PRKN: variants seen among roughly 807,000 people sequenced by gnomAD.
PRKN encodes the protein E3 ubiquitin-protein ligase parkin.
Under a neutral mutation model 59.5 loss-of-function variants are expected in PRKN, and 56 were observed. The observed-to-expected ratio is 0.94, with a 90% CI of 0.76 to 1.18. The LOEUF (loss-of-function observed/expected upper bound fraction) is 1.18, where lower values mean the gene tolerates loss of function less well. Ranked by LOEUF, PRKN falls within the 50% of genes most tolerant of loss-of-function variation. The pLI is 0.00. For missense variants in PRKN, 657 were observed against 596.4 expected (o/e 1.10, Z -1.06); for synonymous variants, 250 against 222.1 (o/e 1.13, Z -1.12).
At chr6:161,374,230 A>C (rs1785556555) in intron 10 of PRKN, among the ~76,000 whole-genome samples, 1 of 146,234 alleles carries the variant, frequency 6.8e-6, no homozygotes, top group Admixed American at 6.8e-5. Flanking sequence ...TTCTGTGTGT[A>C]TGTGTGTTGT....
At chr6:162,447,720 C>G (rs1250349873) in intron 1 of PRKN, among the ~76,000 whole-genome samples, 1 of 152,056 alleles carries the variant, frequency 6.6e-6, no homozygotes, top group Non-Finnish European at 1.5e-5. Context: ...TAGTCAATAT[C>G]AATAATTAAT....
chr6:161,452,645 A>C (rs1323644232), intron 9 of PRKN, among the ~76,000 whole-genome samples: 1 of 152,160 alleles, frequency 6.6e-6, no homozygotes, highest in Non-Finnish European at 1.5e-5. Context: ...ATCCCACACA[A>C]CTATTTTAGG....
intron 2 of PRKN, among the ~76,000 whole-genome samples, chr6:162,381,273 C>A (rs901304535): frequency 6.6e-6 from 1 of 152,108 alleles, no homozygotes; most frequent in East Asian, 1.9e-4. Context: ...TAGAAATTAC[C>A]CTGTTTTTCA....
chr6:161,876,439 G>C (rs1409662046), intron 6 of PRKN, among the ~76,000 whole-genome samples: 1 of 152,098 alleles, frequency 6.6e-6, no homozygotes, highest in Non-Finnish European at 1.5e-5. Context: ...AGCCACCCAA[G>C]TAGTTGTGAC....
At chr6:161,505,155 T>C (rs1452510842) in intron 9 of PRKN, among the ~76,000 whole-genome samples, 5 of 152,150 alleles carry the variant, frequency 3.3e-5, no homozygotes, top group African/African-American at 2.4e-5. Context: ...TGTAAAAGTG[T>C]TCCTATTTCT....
intron 7 of PRKN, among the ~76,000 whole-genome samples, chr6:161,720,516 TG>T (rs375903522): frequency 3.9e-3 from 547 of 141,438 alleles, no homozygotes; most frequent in African/African-American, 0.013. Flanking sequence ...TGGGCACAGG[TG>T]GGGGGGGGCA....
intron 9 of PRKN, among the ~76,000 whole-genome samples, chr6:161,528,242 C>A (rs1488284147): frequency 6.6e-6 from 1 of 152,116 alleles, no homozygotes; most frequent in African/African-American, 2.4e-5. Context: ...GTAATGAATA[C>A]TGGTAAACCT....
At chr6:161,492,525 A>G (rs888544749) in intron 9 of PRKN, among the ~76,000 whole-genome samples, 3 of 152,240 alleles carry the variant, frequency 2.0e-5, no homozygotes, top group Admixed American at 1.3e-4. Context: ...CAGAACTGCT[A>G]AATTCCATCT....
chr6:162,033,429 C>T (rs142454015), intron 5 of PRKN, among the ~76,000 whole-genome samples: 1 of 152,262 alleles, frequency 6.6e-6, no homozygotes, highest in African/African-American at 2.4e-5. Context: ...ATAATTTATG[C>T]TCTGTAATTC....
intron 1 of PRKN, among the ~76,000 whole-genome samples, chr6:162,639,774 C>T (rs1777889469): frequency 6.6e-6 from 1 of 152,058 alleles, no homozygotes; most frequent in Non-Finnish European, 1.5e-5. Flanking sequence ...AAAGTCTAGC[C>T]TCATTAGGTT....
At chr6:162,568,521 C>A (rs1780180210) in intron 1 of PRKN, 1 of 720,806 alleles carries the variant, frequency 1.4e-6, no homozygotes. Context: ...CCAGAGACTG[C>A]TGAGCCTCCT....
chr6:161,682,527 G>T (rs1785403884), intron 7 of PRKN, among the ~76,000 whole-genome samples: 1 of 152,082 alleles, frequency 6.6e-6, no homozygotes, highest in African/African-American at 2.4e-5. Flanking sequence ...TCGGAGCTGG[G>T]GAAAGGCCTC....
At chr6:161,709,908 G>T (rs190188652) in intron 7 of PRKN, among the ~76,000 whole-genome samples, 2 of 152,136 alleles carry the variant, frequency 1.3e-5, no homozygotes, top group Admixed American at 1.3e-4. Context: ...AAATATTTTT[G>T]TAGAAACGCA....
intron 9 of PRKN, among the ~76,000 whole-genome samples, chr6:161,469,318 A>G (rs1790651515): frequency 2.0e-5 from 3 of 152,292 alleles, no homozygotes; most frequent in South Asian, 4.1e-4. Flanking sequence ...CCCTGTGAAG[A>G]GGTGCCTTCC....
chr6:161,873,048 C>G (rs542817916), intron 6 of PRKN, among the ~76,000 whole-genome samples: 65 of 149,404 alleles, frequency 4.4e-4, no homozygotes, highest in African/African-American at 1.3e-3. Flanking sequence ...AGGGAGGGAG[C>G]TGGGAGCTTG....
intron 1 of PRKN, among the ~76,000 whole-genome samples, chr6:162,667,915 C>G (rs1405185379): frequency 6.6e-6 from 1 of 152,066 alleles, no homozygotes; most frequent in Non-Finnish European, 1.5e-5. Context: ...GAACCTGGCA[C>G]ATAGTAAATA....
intron 9 of PRKN, among the ~76,000 whole-genome samples, chr6:161,389,261 T>G (rs551188416): frequency 7.2e-5 from 11 of 152,344 alleles, no homozygotes; most frequent in African/African-American, 2.6e-4. Context: ...TCCAATTTCT[T>G]GTTTTAAAAG....
intron 4 of PRKN, among the ~76,000 whole-genome samples, chr6:162,116,514 G>T (rs997242556): frequency 2.0e-5 from 3 of 152,182 alleles, no homozygotes; most frequent in Admixed American, 2.0e-4. Flanking sequence ...TTTTCAATCA[G>T]CTAGAATCCA....
At chr6:161,935,176 G>A (rs1204038237) in intron 6 of PRKN, among the ~76,000 whole-genome samples, 2 of 152,070 alleles carry the variant, frequency 1.3e-5, no homozygotes, top group Non-Finnish European at 2.9e-5. Flanking sequence ...AACTACGCAT[G>A]GATTCCAATT....
Sources: allele counts gnomAD v4.1 joint callset (sites outside exome capture counted in the v4.1 genomes callset), GRCh38; gene constraint gnomAD v4.1.1; transcripts MANE v1.5; gene names NCBI Gene and HGNC (gene_info 2026-07-23, HGNC 2026-07-21).